The following WDR7 variants were observed in gnomAD, a reference collection of about 807,000 sequenced individuals.
WDR7 encodes the protein WD repeat domain 7.
WDR7 carries 46 observed loss-of-function variants against 169.4 expected under a neutral mutation model. That is an observed-to-expected ratio of 0.27 (90% CI 0.21 to 0.35). The LOEUF (loss-of-function observed/expected upper bound fraction) is 0.35, where lower values mean the gene tolerates loss of function less well. Among genes scored for constraint, WDR7 ranks in the 10% least tolerant of loss-of-function variants. The pLI is 1.00. For missense variants in WDR7, 1,534 were observed against 1,859.3 expected (o/e 0.83, Z 3.22); for synonymous variants, 612 against 666.8 (o/e 0.92, Z 1.27).
At chr18:56,924,956 C>T (rs2046783123) in intron 22 of WDR7, among the ~76,000 whole-genome samples, 1 of 152,164 alleles carries the variant, frequency 6.6e-6, no homozygotes, top group South Asian at 2.1e-4. Context: ...CTTCAACAGG[C>T]CCTGGCAACC....
intron 20 of WDR7, among the ~76,000 whole-genome samples, chr18:56,840,189 G>A (rs2045460387): frequency 6.6e-6 from 1 of 152,156 alleles, no homozygotes; most frequent in Non-Finnish European, 1.5e-5. Context: ...CCTAAGACAA[G>A]GGGGAAAGGG....
chr18:56,731,124 G>A (rs1273652033), intron 13 of WDR7, among the ~76,000 whole-genome samples: 2 of 152,132 alleles, frequency 1.3e-5, no homozygotes, highest in African/African-American at 4.8e-5. Context: ...GGAAAAGCCT[G>A]GAGAAGGTTG....
At chr18:56,969,841 G>A (rs996711943) in intron 26 of WDR7, among the ~76,000 whole-genome samples, 2 of 152,052 alleles carry the variant, frequency 1.3e-5, no homozygotes, top group Admixed American at 6.6e-5. Context: ...TATTTAATAT[G>A]ATCTCTAAAT....
intron 22 of WDR7, among the ~76,000 whole-genome samples, chr18:56,934,141 C>T (rs556349680): frequency 2.2e-4 from 34 of 152,314 alleles, no homozygotes; most frequent in African/African-American, 7.2e-4. Flanking sequence ...AAAGAAGCAT[C>T]ACAGGGTATC....
intron 17 of WDR7, among the ~76,000 whole-genome samples, chr18:56,778,291 G>T (rs550723299): frequency 5.9e-5 from 9 of 152,128 alleles, no homozygotes; most frequent in Non-Finnish European, 1.0e-4. Context: ...TAAGGTTTTT[G>T]TCATTATTTT....
intron 20 of WDR7, 81 bp downstream of exon 20, chr18:56,816,225 T>A: frequency 1.6e-6 from 2 of 1,252,856 alleles, no homozygotes; most frequent in Non-Finnish European, 2.2e-6. Flanking sequence ...GTGGTGGGAT[T>A]AAGTATTTCG....
chr18:56,915,531 A>G (rs1330882053), intron 21 of WDR7, among the ~76,000 whole-genome samples: 1 of 152,196 alleles, frequency 6.6e-6, no homozygotes, highest in Non-Finnish European at 1.5e-5. Flanking sequence ...TTCACTATTC[A>G]GATCCAGCAA....
chr18:56,946,714 C>T (rs1400598758), intron 25 of WDR7, among the ~76,000 whole-genome samples: 1 of 151,766 alleles, frequency 6.6e-6, no homozygotes, highest in Non-Finnish European at 1.5e-5. Context: ...TACCTAAGTA[C>T]ATATATGTGT....
At chr18:56,940,218 A>C (rs932335014) in intron 25 of WDR7, among the ~76,000 whole-genome samples, 1 of 152,164 alleles carries the variant, frequency 6.6e-6, no homozygotes, top group Non-Finnish European at 1.5e-5. Flanking sequence ...GTTCAATGAT[A>C]TTCTATTTTT....
In WDR7 at chr18:56,694,726, A is replaced by G. The variant is rs1189177997; in HGVS notation, c.1074A>G (p.Ile358Met). ...CTGGAAGGTTGAATATTTGGAACAT[A>G]TCAGACACAGCTGATAAACAGGGAA... is the stretch of plus-strand genomic sequence containing the variant. ...DSSGRLNIWN[I>M]SDTADKQGSE... is the part of the protein sequence containing the mutation. Residue 358 changes from isoleucine (I) to methionine (M), a missense_variant, in exon 10 of 28, where the codon ATA (isoleucine) becomes ATG (methionine). By Grantham distance (10) the Ile-to-Met change is conservative. Coordinates refer to ENST00000254442, the MANE Select transcript of WDR7 (RefSeq NM_015285.3). 2.5e-6 allele frequency: 4 copies of G among 1,613,132 alleles called. No individual in the cohort carries two copies. Among genetic ancestry groups the G allele is most frequent in the South Asian group, 2.2e-5 (2 of 90,806 alleles).
chr18:56,986,303 C>G (rs1037611952), intron 26 of WDR7, among the ~76,000 whole-genome samples: 1 of 151,910 alleles, frequency 6.6e-6, no homozygotes, highest in Non-Finnish European at 1.5e-5. Flanking sequence ...AAATTTTGAC[C>G]ATTTATATCA....
chr18:56,853,985 A>G (rs1336322858), intron 20 of WDR7, among the ~76,000 whole-genome samples: 2 of 152,224 alleles, frequency 1.3e-5, no homozygotes, highest in Non-Finnish European at 2.9e-5. Context: ...TTTACAAACA[A>G]TGTTGTTATG....
intron 13 of WDR7, among the ~76,000 whole-genome samples, 185 bp downstream of exon 13, chr18:56,718,344 C>T (rs543804852): frequency 2.0e-5 from 3 of 152,140 alleles, no homozygotes; most frequent in Admixed American, 6.5e-5. Flanking sequence ...GAATATTTCA[C>T]GAATCTTTAA....
intron 26 of WDR7, among the ~76,000 whole-genome samples, chr18:56,985,983 A>G (rs1052519434): frequency 7.2e-5 from 11 of 152,198 alleles, no homozygotes; most frequent in African/African-American, 2.7e-4. Flanking sequence ...TATAGGAAAG[A>G]TAGGTCACAA....
chr18:56,907,303 T>C (rs887130614), intron 21 of WDR7, among the ~76,000 whole-genome samples: 1 of 114,728 alleles, frequency 8.7e-6, no homozygotes, highest in African/African-American at 3.1e-5. Context: ...TGTTAAGCAT[T>C]GGGGTATGGT....
intron 20 of WDR7, among the ~76,000 whole-genome samples, chr18:56,856,060 G>A (rs941343119): frequency 1.3e-5 from 2 of 152,182 alleles, no homozygotes; most frequent in Admixed American, 6.5e-5. Context: ...GAAGCCAGGG[G>A]AGCGCAGGGA....
chr18:56,861,529 G>C (rs1379741408), intron 20 of WDR7, among the ~76,000 whole-genome samples: 1 of 152,168 alleles, frequency 6.6e-6, no homozygotes, highest in Non-Finnish European at 1.5e-5. Context: ...AACTCTCTCT[G>C]GAGTTGTTCC....
Position 56,916,810 on chromosome 18 carries a change from G to A in WDR7, c.3527-7112G>A, listed in dbSNP as rs1017967094. ...TAATTGTAGTGATTAAAAGAAGTCC[G>A]TGTTCTGTTTGGGAGGCCCGAGGCA... On this transcript the variant is annotated intron_variant, in intron 21 of 27. Coordinates refer to ENST00000254442, the MANE Select transcript of WDR7 (RefSeq NM_015285.3). Among the ~76,000 whole-genome samples, 6 of 152,252 alleles carry A rather than the reference G, an allele frequency of 3.9e-5. No homozygotes were observed. In the East Asian group the frequency reaches 9.7e-4, roughly 25 times the overall value.
chr18:56,955,654 G>GGATGAT (rs34888311), intron 25 of WDR7, among the ~76,000 whole-genome samples: 2,842 of 150,366 alleles, frequency 0.019, 54 homozygotes, highest in African/African-American at 0.056. Flanking sequence ...AGATGCAGAT[G>GGATGAT]GATGATGATG....
Sources: allele counts gnomAD v4.1 joint callset (sites outside exome capture counted in the v4.1 genomes callset), GRCh38; gene constraint gnomAD v4.1.1; transcripts MANE v1.5; gene names NCBI Gene and HGNC (gene_info 2026-07-23, HGNC 2026-07-21).